Variants in ZNF532 observed in about 807,000 individuals in gnomAD.
The protein encoded by ZNF532 is zinc finger protein 532.
ZNF532 carries 22 observed loss-of-function variants against 89.3 expected under a neutral mutation model. The ratio of observed to expected loss-of-function variants is 0.25; its 90% CI spans 0.18 to 0.35. The LOEUF (loss-of-function observed/expected upper bound fraction) is 0.35, where lower values mean the gene tolerates loss of function less well. Ranked by LOEUF, ZNF532 falls within the 10% of genes least tolerant of loss-of-function variation. ZNF532 has a pLI of 1.00. For synonymous variants in ZNF532, 606 were observed against 649.6 expected (o/e 0.93, Z 1.02); for missense variants, 1,132 against 1,643.4 (o/e 0.69, Z 5.38).
chr18:58,941,771 CTT>C (rs1375516383), intron 5 of ZNF532, among the ~76,000 whole-genome samples: 1 of 151,892 alleles, frequency 6.6e-6, no homozygotes, highest in Non-Finnish European at 1.5e-5. Flanking sequence ...ATTTTCTTTT[CTT>C]TTCTTTTTTC....
intron 2 of ZNF532, among the ~76,000 whole-genome samples, chr18:58,892,972 T>C (rs564084401): frequency 1.3e-5 from 2 of 150,804 alleles, no homozygotes; most frequent in South Asian, 4.2e-4. Flanking sequence ...CAATTTCTGA[T>C]TTGTACTTTC....
At chr18:58,881,520 T>G (rs750296463) in intron 2 of ZNF532, among the ~76,000 whole-genome samples, 4 of 152,216 alleles carry the variant, frequency 2.6e-5, no homozygotes, top group African/African-American at 4.8e-5. Context: ...TGCATGTGGT[T>G]GTTGTAAGTT....
intron 2 of ZNF532, among the ~76,000 whole-genome samples, chr18:58,907,689 C>A (rs1484079518): frequency 6.6e-6 from 1 of 152,110 alleles, no homozygotes; most frequent in Admixed American, 6.5e-5. Flanking sequence ...TGCTTCCGGT[C>A]AGCATGTCTT....
intron 3 of ZNF532, among the ~76,000 whole-genome samples, chr18:58,926,746 A>C (rs1399011930): frequency 6.6e-6 from 1 of 152,176 alleles, no homozygotes; most frequent in Non-Finnish European, 1.5e-5. Context: ...CACGTTCATC[A>C]CTAATAATTT....
At chr18:58,948,322 C>A in intron 6 of ZNF532, 93 bp downstream of exon 6, 1 of 1,328,728 alleles carries the variant, frequency 7.5e-7, no homozygotes, top group Non-Finnish European at 1.0e-6. Context: ...CTAAAGCATG[C>A]CTCACTGTCG....
chr18:58,864,910 CA>C lies in ZNF532; in HGVS notation c.-599del. 1 of 152,386 alleles carries C rather than the reference CA, an allele frequency of 6.6e-6. No individual in the cohort carries two copies. Among genetic ancestry groups the C allele is most frequent in the Non-Finnish European group, 1.5e-5 (1 of 68,144 alleles). The allele number at this position is 152,386 out of a possible 1,614,324, so 9.4% of individuals were successfully genotyped here. ...AGCAGCTTCCTCCCTTCATGGCAGC[CA>C]AAAGCAGAGGAGCTTGCAGGAAGGT... On this transcript the variant is annotated 5_prime_UTR_variant, in exon 1 of 10. The change abolishes the stop of an existing upstream ORF in the 5' untranslated region. Coordinates refer to ENST00000591808, the MANE Select transcript of ZNF532 (RefSeq NM_001375912.1).
chr18:58,963,480 CT>C (rs2065566623), intron 7 of ZNF532, among the ~76,000 whole-genome samples: 1 of 152,040 alleles, frequency 6.6e-6, no homozygotes, highest in South Asian at 2.1e-4. Flanking sequence ...GCTGTTGTTA[CT>C]TTTGAAAAGA....
intron 2 of ZNF532, among the ~76,000 whole-genome samples, chr18:58,900,316 G>A (rs924311037): frequency 1.2e-4 from 19 of 152,166 alleles, no homozygotes; most frequent in African/African-American, 4.6e-4. Context: ...TTGGCTTTAG[G>A]CTGTAGGGCT....
intron 4 of ZNF532, among the ~76,000 whole-genome samples, 199 bp from the exon 5 acceptor site, chr18:58,939,246 C>CAAAAAAAAAAAAAAAAAAAAA (rs71336307): frequency 3.5e-4 from 12 of 34,508 alleles, no homozygotes; most frequent in Admixed American, 7.4e-4. Context: ...GACGTTGTCT[C>CAAAAAAAAAAAAAAAAAAAAA]AAAAAAAAAA....
At chr18:58,905,003 G>A (rs1033152857) in intron 2 of ZNF532, among the ~76,000 whole-genome samples, 7 of 151,758 alleles carry the variant, frequency 4.6e-5, no homozygotes, top group South Asian at 2.1e-4. Flanking sequence ...CACCATGGCC[G>A]GCCAATTTTT....
intron 2 of ZNF532, among the ~76,000 whole-genome samples, chr18:58,897,267 T>G (rs1172447327): frequency 2.0e-5 from 3 of 152,208 alleles, no homozygotes; most frequent in African/African-American, 7.2e-5. Flanking sequence ...TATAAAGTAG[T>G]TGAATACTTA....
intron 3 of ZNF532, among the ~76,000 whole-genome samples, chr18:58,924,088 C>T (rs539918250): frequency 1.3e-5 from 2 of 152,302 alleles, no homozygotes; most frequent in African/African-American, 4.8e-5. Flanking sequence ...AACTCCTAAC[C>T]TCAAGTGATC....
chr18:58,955,444 C>T (rs546056028), intron 7 of ZNF532, among the ~76,000 whole-genome samples: 38 of 152,270 alleles, frequency 2.5e-4, no homozygotes, highest in Non-Finnish European at 4.3e-4. Context: ...GCCAATAGAA[C>T]AAAATAGTCA....
At chr18:58,888,742 T>A (rs1277434650) in intron 2 of ZNF532, among the ~76,000 whole-genome samples, 23 of 36,086 alleles carry the variant, frequency 6.4e-4, no homozygotes, top group African/African-American at 3.7e-3. Context: ...ATATATATAT[T>A]TTATATATAT....
At chr18:58,872,050 A>G (rs1356189208) in intron 2 of ZNF532, among the ~76,000 whole-genome samples, 3 of 152,208 alleles carry the variant, frequency 2.0e-5, no homozygotes, top group Non-Finnish European at 4.4e-5. Context: ...GCTGTTTTAT[A>G]ATGAGGGAGA....
chr18:58,890,580 A>G (rs1319408186), intron 2 of ZNF532, among the ~76,000 whole-genome samples: 1 of 148,166 alleles, frequency 6.7e-6, no homozygotes, highest in Non-Finnish European at 1.5e-5. Context: ...CTGTCCTTGC[A>G]CTAACTGCCG....
chr18:58,952,331 AT>A (rs1448285731), intron 6 of ZNF532, among the ~76,000 whole-genome samples: 1 of 152,210 alleles, frequency 6.6e-6, no homozygotes, highest in Non-Finnish European at 1.5e-5. Context: ...AGACGGCCCT[AT>A]TCAAAAATAA....
chr18:58,891,489 C>G (rs1489676478), intron 2 of ZNF532, among the ~76,000 whole-genome samples: 2 of 152,188 alleles, frequency 1.3e-5, no homozygotes, highest in Admixed American at 1.3e-4. Flanking sequence ...GAGATCATGT[C>G]ACTGCACTCC....
chr18:58,905,171 T>G (rs571957880), intron 2 of ZNF532, among the ~76,000 whole-genome samples: 1 of 152,254 alleles, frequency 6.6e-6, no homozygotes, highest in African/African-American at 2.4e-5. Flanking sequence ...AACCTATGGT[T>G]TAAAAGTTGC....
Sources: gnomAD v4.1 joint callset for allele counts (sites outside exome capture counted in the v4.1 genomes callset) on GRCh38, gnomAD v4.1.1 for gene constraint, MANE v1.5 for transcripts, NCBI Gene and HGNC (gene_info 2026-07-23, HGNC 2026-07-21) for gene names.